DROSHA: variants seen among roughly 807,000 people sequenced by gnomAD.
The protein encoded by DROSHA is drosha ribonuclease III.
In DROSHA, 56 loss-of-function variants were observed where a neutral mutation model predicts 181.9. The ratio of observed to expected loss-of-function variants is 0.31; its 90% CI spans 0.25 to 0.38. The LOEUF (loss-of-function observed/expected upper bound fraction) is 0.38. DROSHA is among the 10% of genes least tolerant of loss of function. DROSHA has a pLI of 1.00. For missense variants in DROSHA, 1,218 were observed against 1,743.5 expected (o/e 0.70, Z 5.37); for synonymous variants, 524 against 591.2 (o/e 0.89, Z 1.65).
At chr5:31,407,015 G>T in intron 33 of DROSHA, 70 bp from the exon 34 acceptor site, 1 of 1,343,296 alleles carries the variant, frequency 7.4e-7, no homozygotes. Context: ...GTAACTATGA[G>T]GAAAACCATG....
intron 30 of DROSHA, among the ~76,000 whole-genome samples, chr5:31,418,957 C>T (rs140059634): frequency 1.9e-3 from 296 of 152,054 alleles, no homozygotes; most frequent in Non-Finnish European, 3.7e-3. Context: ...AGTCATCTGC[C>T]GGTAAGATGA....
intron 35 of DROSHA, among the ~76,000 whole-genome samples, chr5:31,402,790 TTTTATTTATTTATTA>T (rs1473038391): frequency 6.6e-6 from 1 of 152,100 alleles, no homozygotes; most frequent in East Asian, 1.9e-4. Flanking sequence ...CAGAGATTGA[TTTTATTTATTTATTA>T]TTTATTTATT....
intron 20 of DROSHA, among the ~76,000 whole-genome samples, chr5:31,457,883 A>T (rs1747858726): frequency 6.6e-6 from 1 of 152,170 alleles, no homozygotes; most frequent in South Asian, 2.1e-4. Context: ...ACACAGCAAG[A>T]CCCTGACTCA....
intron 17 of DROSHA, among the ~76,000 whole-genome samples, chr5:31,471,181 C>T (rs1235914001): frequency 6.6e-6 from 1 of 152,160 alleles, no homozygotes; most frequent in Non-Finnish European, 1.5e-5. Flanking sequence ...GCAGATGTTA[C>T]TGTCATGCTA....
chr5:31,524,246 G>A lies in DROSHA; in HGVS notation c.854+1833C>T, dbSNP rs1740266589. On this transcript the variant is annotated intron_variant, in intron 5 of 35. Transcript: ENST00000344624. ...AGCACTAATCCCTCTCTTCAGTGCA[G>A]AGAATGACCACTATCATTTAATTTA... 2.0e-5 allele frequency among the ~76,000 whole-genome samples: 3 copies of A among 152,318 alleles called. No individual in the cohort carries two copies. In the South Asian group the frequency reaches 6.2e-4, roughly 32 times the overall value.
chr5:31,406,365 G>A, intron 34 of DROSHA, among the ~76,000 whole-genome samples: 1 of 152,006 alleles, frequency 6.6e-6, no homozygotes, highest in Non-Finnish European at 1.5e-5. Context: ...ACAAAAATTA[G>A]CAGGCATGGT....
At chr5:31,426,057 A>T (rs958521214) in intron 27 of DROSHA, among the ~76,000 whole-genome samples, 1 of 151,992 alleles carries the variant, frequency 6.6e-6, no homozygotes, top group Non-Finnish European at 1.5e-5. Context: ...ATCTTGATTC[A>T]CCTTTCTTCT....
In DROSHA at chr5:31,421,431, A is replaced by G. The variant is rs566422763; in HGVS notation, c.3420-54T>C. The G allele has an allele frequency of 1.6e-5, 22 of 1,372,342 alleles. No individual in the cohort carries two copies. In the South Asian group the frequency reaches 2.5e-4, roughly 16 times the overall value. The allele number at this position is 1,372,342 out of a possible 1,614,324, so 85.0% of individuals were successfully genotyped here. On this transcript the variant is annotated intron_variant, in intron 29 of 35. Transcript: ENST00000344624. ...ATCAATAACCATTTATGGATTTCCA[A>G]AAAAACACCCAGAATTTTAAAAAAG... is the stretch of plus-strand genomic sequence containing the variant.
At chr5:31,480,983 A>T (rs1179699555) in intron 16 of DROSHA, among the ~76,000 whole-genome samples, 1 of 152,240 alleles carries the variant, frequency 6.6e-6, no homozygotes, top group Non-Finnish European at 1.5e-5. Flanking sequence ...ATCTTTAAAA[A>T]TATCCATCTG....
chr5:31,472,308 G>C (rs1749822817), intron 16 of DROSHA, 76 bp from the exon 17 acceptor site: 2 of 1,431,960 alleles, frequency 1.4e-6, no homozygotes, highest in South Asian at 1.6e-5. Context: ...AACTGAATAA[G>C]GAAAAAAACA....
At chr5:31,469,456 C>T (rs1457522289) in intron 17 of DROSHA, among the ~76,000 whole-genome samples, 1 of 152,098 alleles carries the variant, frequency 6.6e-6, no homozygotes, top group African/African-American at 2.4e-5. Context: ...TCTCTGCTCT[C>T]AAAATTTGAA....
intron 21 of DROSHA, among the ~76,000 whole-genome samples, chr5:31,450,497 C>T (rs1236694031): frequency 1.3e-5 from 2 of 152,070 alleles, no homozygotes; most frequent in African/African-American, 4.8e-5. Context: ...TACTACCCAG[C>T]AATAAAAAGA....
intron 13 of DROSHA, chr5:31,489,173 T>C (rs904963978): frequency 6.6e-6 from 1 of 152,150 alleles, no homozygotes; most frequent in Non-Finnish European, 1.5e-5. Context: ...TGGGTGGAAA[T>C]GAACTACTCA....
Position 31,498,924 on chromosome 5 carries a change from G to T in DROSHA, c.1669-3552C>A, listed in dbSNP as rs1297926520. 2.6e-5 allele frequency among the ~76,000 whole-genome samples: 4 copies of T among 152,084 alleles called. No homozygotes were observed. The East Asian group carries it at 7.7e-4, about 29-fold the overall frequency. On this transcript the variant is annotated intron_variant, in intron 11 of 35. Coordinates refer to ENST00000344624, the MANE Select transcript of DROSHA (RefSeq NM_001382508.1). ...GAAGTGTGCTGTGACAGCATCAGTTGTGATGGCATCATTGGGTGCACCTGT... is the reference window on the plus strand; with the variant it reads ...GAAGTGTGCTGTGACAGCATCAGTTTTGATGGCATCATTGGGTGCACCTGT...
In DROSHA at chr5:31,475,981, C is replaced by A. The variant is rs568771109; in HGVS notation, c.2072-3749G>T. ...TGGGAGAGAGGAATACTTAAGACTA[C>A]AAACCAAGACTCACTTAAAGGCTTC... is the stretch of plus-strand genomic sequence containing the variant. On this transcript the variant is annotated intron_variant, in intron 16 of 35. Coordinates refer to ENST00000344624, the MANE Select transcript of DROSHA (RefSeq NM_001382508.1). Among the ~76,000 whole-genome samples the A allele has an allele frequency of 1.4e-3, 212 of 152,262 alleles. 1 individual carries two copies. Among genetic ancestry groups the A allele is most frequent in the Non-Finnish European group, 2.1e-3 (140 of 68,006 alleles).
intron 23 of DROSHA, among the ~76,000 whole-genome samples, chr5:31,445,162 C>T (rs1313037343): frequency 6.6e-6 from 1 of 152,318 alleles, no homozygotes; most frequent in South Asian, 2.1e-4. Flanking sequence ...ACAAAGCCAC[C>T]CTCAAGCAGT....
In DROSHA at chr5:31,526,892, G is replaced by T. The variant is rs200373457; in HGVS notation, c.41C>A (p.Pro14Gln). 4 of 1,612,796 alleles carry T rather than the reference G, an allele frequency of 2.5e-6. No homozygotes were observed. The highest frequency in any genetic ancestry group is 2.2e-5 in the East Asian group (1 of 44,876). ...GNTCHRMSFH[P>Q]GRGCPRGRGG... Reference sequence around the variant, plus strand: ...TCGTCCTCGGGGACACCCTCGTCCCGGGTGGAACGACATTCTGTGACTTCA... The same window carrying T: ...TCGTCCTCGGGGACACCCTCGTCCCTGGTGGAACGACATTCTGTGACTTCA... The change falls in exon 5 of 36, where the codon CCG becomes CAG. Residue 14 changes from proline (P) to glutamine (Q), a missense_variant. Pro to Gln is a moderately conservative substitution (Grantham distance 76). Around this residue, in one of 8 missense-constraint regions of DROSHA, gnomAD observed 536 missense variants for 535.4 expected, o/e 1.00. Transcript: ENST00000344624.
chr5:31,463,726 C>T (rs974247501), intron 20 of DROSHA, among the ~76,000 whole-genome samples: 1 of 152,182 alleles, frequency 6.6e-6, no homozygotes, highest in Non-Finnish European at 1.5e-5. Flanking sequence ...CTATTGCGTT[C>T]ACCCAGGGAA....
intron 29 of DROSHA, chr5:31,421,898 T>TATATATATATATATATATATATGCGAC (rs59534292): frequency 4.0e-5 from 2 of 50,454 alleles, no homozygotes; most frequent in Non-Finnish European, 6.3e-5. Flanking sequence ...AAAAAAAATA[T>TATATATATATATATATATATATGCGAC]ATATATATAA....
Sources: gnomAD v4.1 joint callset for allele counts (sites outside exome capture counted in the v4.1 genomes callset) on GRCh38, gnomAD v4.1.1 for gene constraint, gnomAD v4.1.1 regional missense constraint, MANE v1.5 for transcripts, NCBI Gene and HGNC (gene_info 2026-07-23, HGNC 2026-07-21) for gene names.